CCNI2: variants seen among roughly 807,000 people sequenced by gnomAD.
The protein encoded by CCNI2 is cyclin-I2.
A neutral mutation model predicts 33.2 loss-of-function variants in CCNI2; 32 were observed. That is an observed-to-expected ratio of 0.96 (90% CI 0.73 to 1.30). The LOEUF (loss-of-function observed/expected upper bound fraction) is 1.30, where lower values mean the gene tolerates loss of function less well. Among genes scored for constraint, CCNI2 ranks in the 50% most tolerant of loss-of-function variants. CCNI2 has a pLI of 0.00. For synonymous variants in CCNI2, 231 were observed against 219.9 expected (o/e 1.05, Z -0.45); for missense variants, 452 against 486.2 (o/e 0.93, Z 0.66).
intron 4 of CCNI2, chr5:132,751,752 CT>C (rs879047407): frequency 0.21 from 104,428 of 487,110 alleles, 6 homozygotes; most frequent in Middle Eastern, 0.27. Flanking sequence ...ACAAAGCAGA[CT>C]TTTTTTTTTT....
At position 132,750,933 on chromosome 5, in the gene CCNI2, T is replaced by G; in HGVS notation, c.710T>G (p.Leu237Arg). 2 of 1,614,268 alleles carry G rather than the reference T, an allele frequency of 1.2e-6. No homozygotes were observed. The highest frequency in any genetic ancestry group is 1.7e-6 in the Non-Finnish European group (2 of 1,180,044). Residue 237 changes from leucine (L) to arginine (R), a missense_variant, in exon 4 of 6, where the codon CTG (leucine) becomes CGG (arginine). By Grantham distance (102) the Leu-to-Arg change is moderately radical (BLOSUM62 -2). Coordinates refer to ENST00000378731, the MANE Select transcript of CCNI2 (RefSeq NM_001039780.4). ...YSPNELLRMELAILDRLHWDL... is the reference protein window; with the variant it reads ...YSPNELLRMERAILDRLHWDL... Reference sequence around the variant, plus strand: ...CCGAATGAGCTGCTGAGGATGGAGCTGGCTATTCTGGACAGACTGCACTGG... The same window carrying G: ...CCGAATGAGCTGCTGAGGATGGAGCGGGCTATTCTGGACAGACTGCACTGG...
At position 132,753,005 on chromosome 5, in the gene CCNI2, A is replaced by C. The variant is rs759889186; in HGVS notation, c.*35A>C. ...CTCCACCCCGGGGCTTTCAGAGCAT[A>C]GTGTGAAACCTCCTTGCTTGGACTA... On this transcript the variant is annotated 3_prime_UTR_variant, in exon 6 of 6. Transcript: ENST00000378731. 2.0e-6 allele frequency: 3 copies of C among 1,522,302 alleles called. No individual in the cohort carries two copies. In the East Asian group the frequency reaches 6.8e-5, roughly 34 times the overall value. The allele number at this position is 1,522,302 out of a possible 1,614,324, so 94.3% of individuals were successfully genotyped here. A position where few individuals can be genotyped will look rare whatever the true frequency, so the allele number is the denominator to read the frequency against.
chr5:132,749,395 C>A lies in CCNI2; in HGVS notation c.606C>A (p.Leu202=). 6.2e-7 allele frequency: 1 copy of A among 1,613,994 alleles called. No individual in the cohort carries two copies. Among genetic ancestry groups the A allele is most frequent in the South Asian group, 1.1e-5 (1 of 91,056 alleles). ...LHCATITSLR[L]AAKVNEEEEF... ...GCGCCACAATTACTTCCTTGAGGCT[C>A]GCTGCAAAAGTTAATGAAGAAGAGG... Residue 202 remains leucine (L), a synonymous_variant, in exon 3 of 6, where the codon CTC becomes CTA. Coordinates refer to ENST00000378731, the MANE Select transcript of CCNI2 (RefSeq NM_001039780.4).
rs1308464615 is a variant in CCNI2 at position 132,748,470 on chromosome 5, G to A, written c.553G>A (p.Val185Met). The change falls in exon 2 of 6, where the codon GTG becomes ATG. Residue 185 changes from valine to methionine, a missense_variant. Val to Met is a conservative substitution (Grantham distance 21, BLOSUM62 1). Transcript: ENST00000378731. ...CATCTTTGGCCGCCTCCTGATTTCA[G>A]TGAAGGTAGGGAGGCCTCTGAGGGA... ...LTIFGRLLIS[V>M]KVKEKYLHCA... 1.9e-6 allele frequency: 3 copies of A among 1,614,060 alleles called. No individual in the cohort carries two copies. In the Admixed American group the frequency reaches 5.0e-5, roughly 27 times the overall value.
chr5:132,747,828 C>T lies in CCNI2; in HGVS notation c.333C>T (p.Arg111=). 6.8e-7 allele frequency: 1 copy of T among 1,481,384 alleles called. No homozygotes were observed. Among genetic ancestry groups the T allele is most frequent in the East Asian group, 2.9e-5 (1 of 34,666 alleles). The allele number at this position is 1,481,384 out of a possible 1,614,324, so 91.8% of individuals were successfully genotyped here. The part of the protein sequence containing the change: ...PRPAPQSRKP[R]NLEGDLDERR... ...CGGCTCCACAGTCCCGCAAGCCGCGCAACCTGGAAGGCGACCTGGACGAGC... is the reference window on the plus strand; with the variant it reads ...CGGCTCCACAGTCCCGCAAGCCGCGTAACCTGGAAGGCGACCTGGACGAGC... Residue 111 remains arginine (R), a synonymous_variant, in exon 1 of 6, where the codon CGC becomes CGT. Coordinates refer to ENST00000378731, the MANE Select transcript of CCNI2 (RefSeq NM_001039780.4). This position sits in a 1 kb window ranked among gnomAD's most constrained non-coding sequence, Gnocchi z 4.1.
chr5:132,753,761 C>G lies in CCNI2; in HGVS notation c.*791C>G, dbSNP rs777620363. The G allele has an allele frequency of 6.6e-6, 1 of 152,454 alleles. No individual in the cohort carries two copies. Among genetic ancestry groups the G allele is most frequent in the African/African-American group, 2.4e-5 (1 of 41,438 alleles). The allele number at this position is 152,454 out of a possible 1,614,324, so 9.4% of individuals were successfully genotyped here. On this transcript the variant is annotated 3_prime_UTR_variant, in exon 6 of 6. Transcript: ENST00000378731. ...GGATGAGCAGGTTCTGAGGCCAAGC[C>G]TGCTCCAACCACAGTGCTGCCAGGA...
chr5:132,748,063 C>A, intron 1 of CCNI2, 139 bp downstream of exon 1: 1 of 1,014,816 alleles, frequency 9.9e-7, no homozygotes, highest in Non-Finnish European at 1.4e-6. Context: ...AGGCACGAGG[C>A]TGGATCCACC....
chr5:132,749,364 T>G lies in CCNI2; in HGVS notation c.575T>G (p.Leu192Arg). The G allele has an allele frequency of 6.2e-7, 1 of 1,614,072 alleles. No individual in the cohort carries two copies. Residue 192 changes from leucine to arginine, a missense_variant, in exon 3 of 6, where the codon CTG becomes CGG. Transcript: ENST00000378731. ...LISVKVKEKY[L>R]HCATITSLRL... is the part of the protein sequence containing the mutation. ...ATACTGCAGGTAAAAGAGAAATACC[T>G]GCATTGCGCCACAATTACTTCCTTG... is the stretch of plus-strand genomic sequence containing the variant.
chr5:132,747,573 C>A lies in CCNI2; in HGVS notation c.78C>A (p.Pro26=). 6.7e-7 allele frequency: 1 copy of A among 1,494,792 alleles called. No homozygotes were observed. The highest frequency in any genetic ancestry group is 8.9e-7 in the Non-Finnish European group (1 of 1,128,204). 92.6% of individuals were successfully genotyped at this position (1,494,792 alleles called of 1,614,324 possible). A position where few individuals can be genotyped will look rare whatever the true frequency, so the allele number is the denominator to read the frequency against. The change falls in exon 1 of 6, where the codon CCC becomes CCA. Residue 26 remains proline, a synonymous_variant. Coordinates refer to ENST00000378731, the MANE Select transcript of CCNI2 (RefSeq NM_001039780.4). The surrounding 1 kb of genome is among the most constrained non-coding windows in gnomAD (Gnocchi z 4.1). The part of the protein sequence containing the change: ...VSAVQSPGGR[P]GAGLEETALG... The stretch of plus-strand genomic sequence containing the variant: ...CCGTCCAGAGCCCAGGCGGGCGTCC[C>A]GGCGCCGGTCTGGAGGAAACAGCCC...
In CCNI2 at chr5:132,748,350, G is replaced by A. The variant is rs771494425; in HGVS notation, c.433G>A (p.Glu145Lys). 1.2e-6 allele frequency: 2 copies of A among 1,614,142 alleles called. No individual in the cohort carries two copies. Among genetic ancestry groups the A allele is most frequent in the Non-Finnish European group, 1.7e-6 (2 of 1,180,006 alleles). Residue 145 changes from glutamate (E) to lysine (K), a missense_variant, in exon 2 of 6, where the codon GAA (glutamate) becomes AAA (lysine). By Grantham distance (56) the Glu-to-Lys change is moderately conservative. Transcript: ENST00000378731. ...CACCTGCTCTTCTTCCTAGCAGGAT[G>A]AAATCTGCGACGCCTTCGAGGAAGT... ...RLWRGGKPQD[E>K]ICDAFEEVVL... is the part of the protein sequence containing the mutation.
chr5:132,754,581 G>C, downstream of CCNI2: 1 of 713,774 alleles, frequency 1.4e-6, no homozygotes, highest in Non-Finnish European at 2.6e-6. Flanking sequence ...ACAACCTTCT[G>C]CTCTGGCTTT....
At chr5:132,751,247 T>C (rs1754819735) in intron 4 of CCNI2, 1 of 414,386 alleles carries the variant, frequency 2.4e-6, no homozygotes, top group Non-Finnish European at 4.3e-6. Context: ...GGCACTATTA[T>C]GGTGAGTTTC....
chr5:132,748,198 C>G (rs1414732152), intron 1 of CCNI2, 149 bp from the exon 2 acceptor site: 1 of 1,163,278 alleles, frequency 8.6e-7, no homozygotes, highest in Non-Finnish European at 1.2e-6. Context: ...GCCGCTGCGC[C>G]GGGGGGCGCT....
At chr5:132,754,661 T>TA, downstream of CCNI2, 1 of 604,456 alleles carries the variant, frequency 1.7e-6, no homozygotes, top group Non-Finnish European at 3.0e-6. Flanking sequence ...CGTGGATTTT[T>TA]AAAAATCTTA....
Position 132,752,864 on chromosome 5 carries a change from A to G in CCNI2, c.1006-2A>G, listed in dbSNP as rs148377101. 1.8e-5 allele frequency: 29 copies of G among 1,612,782 alleles called. No homozygotes were observed. The African/African-American group carries it at 2.3e-4, about 13-fold the overall frequency. Reference sequence around the variant, plus strand: ...GAAGATGGCCACTCTATTCTAATACAGGTTGGTGATATGCAGTACAGCTGC... The same window carrying G: ...GAAGATGGCCACTCTATTCTAATACGGGTTGGTGATATGCAGTACAGCTGC... On this transcript the variant is annotated splice_acceptor_variant, in intron 5 of 5. Coordinates refer to ENST00000378731, the MANE Select transcript of CCNI2 (RefSeq NM_001039780.4). LOFTEE classifies it high-confidence loss of function.
At position 132,747,697 on chromosome 5, in the gene CCNI2, C is replaced by A; in HGVS notation, c.202C>A (p.His68Asn). ...GTRQPGAASL[H>N]AASAAVPVRP... ...CCGCCAGCCCGGAGCGGCCTCCCTC[C>A]ACGCGGCGTCCGCAGCAGTCCCCGT... is the stretch of plus-strand genomic sequence containing the variant. Residue 68 changes from histidine to asparagine, a missense_variant, in exon 1 of 6, where the codon CAC becomes AAC. Coordinates refer to ENST00000378731, the MANE Select transcript of CCNI2 (RefSeq NM_001039780.4). This position sits in a 1 kb window ranked among gnomAD's most constrained non-coding sequence, Gnocchi z 4.1. 6.7e-7 allele frequency: 1 copy of A among 1,497,240 alleles called. No homozygotes were observed. Among genetic ancestry groups the A allele is most frequent in the East Asian group, 2.8e-5 (1 of 35,836 alleles). The allele number at this position is 1,497,240 out of a possible 1,614,324, so 92.7% of individuals were successfully genotyped here.
chr5:132,752,224 G>C, intron 5 of CCNI2, 28 bp downstream of exon 5: 1 of 1,543,152 alleles, frequency 6.5e-7, no homozygotes, highest in South Asian at 1.2e-5. Flanking sequence ...CCCAGACCAG[G>C]CTCTGTGTTT....
rs905525382 is a variant in CCNI2 at position 132,753,672 on chromosome 5, T to C, written c.*702T>C. 6.6e-6 allele frequency: 1 copy of C among 152,514 alleles called. No individual in the cohort carries two copies. Among genetic ancestry groups the C allele is most frequent in the Admixed American group, 6.5e-5 (1 of 15,320 alleles). The allele number at this position is 152,514 out of a possible 1,614,324, so 9.4% of individuals were successfully genotyped here. Reference sequence around the variant, plus strand: ...TAGTTTAACTAGAGGGATTTTGTGCTAATGAATGGGTATTATAGGCTAACA... The same window carrying C: ...TAGTTTAACTAGAGGGATTTTGTGCCAATGAATGGGTATTATAGGCTAACA... On this transcript the variant is annotated 3_prime_UTR_variant, in exon 6 of 6. Coordinates refer to ENST00000378731, the MANE Select transcript of CCNI2 (RefSeq NM_001039780.4).
At chr5:132,750,771 C>T in intron 3 of CCNI2, 86 bp from the exon 4 acceptor site, 1 of 1,395,332 alleles carries the variant, frequency 7.2e-7, no homozygotes, top group South Asian at 1.4e-5. Flanking sequence ...CCACTAAGGT[C>T]ATGAATGCCC....
Sources: allele counts gnomAD v4.1 joint callset, GRCh38; gene constraint gnomAD v4.1.1; non-coding constraint Gnocchi (gnomAD v3.1); transcripts MANE v1.5; gene names NCBI Gene and HGNC (gene_info 2026-07-23, HGNC 2026-07-21).